The following SMARCA2 variants were observed in gnomAD, a reference collection of about 807,000 sequenced individuals.
SMARCA2 encodes the protein SWI/SNF related BAF chromatin remodeling complex subunit ATPase 2.
In SMARCA2, 61 loss-of-function variants were observed where a neutral mutation model predicts 199.8. The observed-to-expected ratio is 0.31, with a 90% CI of 0.25 to 0.38. The LOEUF (loss-of-function observed/expected upper bound fraction) is 0.38, where lower values mean the gene tolerates loss of function less well. SMARCA2 is among the 10% of genes least tolerant of loss of function. The pLI, the probability that SMARCA2 is intolerant of heterozygous loss-of-function variation, is 1.00. For synonymous variants in SMARCA2, 935 were observed against 732.0 expected (o/e 1.28, Z -4.48); for missense variants, 1,344 against 2,012.2 (o/e 0.67, Z 6.35).
At position 2,056,524 on chromosome 9, in the gene SMARCA2, C is replaced by T; in HGVS notation, c.1174-148C>T. ...CATACATTTGGCATGATTTTAGTTC[C>T]TTCATTTAATACAAACCAAAGGTGA... On this transcript the variant is annotated intron_variant, in intron 6 of 33. Coordinates refer to ENST00000349721, the MANE Select transcript of SMARCA2 (RefSeq NM_003070.5). The surrounding 1 kb of genome is among the most constrained non-coding windows in gnomAD (Gnocchi z 4.0). 1.6e-6 allele frequency: 1 copy of T among 608,532 alleles called. No individual in the cohort carries two copies. Among genetic ancestry groups the T allele is most frequent in the East Asian group, 3.0e-5 (1 of 32,946 alleles). The allele number at this position is 608,532 out of a possible 1,614,324, so 37.7% of individuals were successfully genotyped here. A position where few individuals can be genotyped will look rare whatever the true frequency, so the allele number is the denominator to read the frequency against.
chr9:2,124,388 C>A (rs1212589576), intron 27 of SMARCA2, among the ~76,000 whole-genome samples: 1 of 152,192 alleles, frequency 6.6e-6, no homozygotes, highest in African/African-American at 2.4e-5. Context: ...ACAGATCTTT[C>A]AGGGATAGCA....
chr9:2,149,073 C>T (rs1243543689), intron 27 of SMARCA2, among the ~76,000 whole-genome samples: 1 of 151,524 alleles, frequency 6.6e-6, no homozygotes, highest in African/African-American at 2.4e-5. Context: ...TGTTTTCACA[C>T]TGCTGATAAA....
At chr9:2,178,652 C>CAAAT (rs1032174718) in intron 29 of SMARCA2, among the ~76,000 whole-genome samples, 53 of 152,188 alleles carry the variant, frequency 3.5e-4, no homozygotes, top group Middle Eastern at 3.4e-3. Flanking sequence ...TCGCTCAGCT[C>CAAAT]AAATTAGAGA....
chr9:2,078,284 C>CA, intron 14 of SMARCA2, among the ~76,000 whole-genome samples: 1 of 151,944 alleles, frequency 6.6e-6, no homozygotes, highest in Middle Eastern at 3.4e-3. Context: ...CCAGCCTGGC[C>CA]AACATGGTGA....
At position 2,088,895 on chromosome 9, in the gene SMARCA2, A is replaced by T. The variant is rs866870754; in HGVS notation, c.2883+282A>T. 1.5e-3 allele frequency among the ~76,000 whole-genome samples: 107 copies of T among 70,804 alleles called. 2 individuals are homozygous for T. Among genetic ancestry groups the T allele is most frequent in the East Asian group, 0.014 (44 of 3,068 alleles). The allele number at this position is 70,804 out of a possible 152,430, so 46.5% of individuals were successfully genotyped here. ...TAATTTTAGATTTTTTTTTTTTTTT[A>T]AATTACGGACCTCATTGAGTTCACT... On this transcript the variant is annotated intron_variant, in intron 19 of 33. Transcript: ENST00000349721.
At chr9:2,171,138 G>A (rs900666520) in intron 29 of SMARCA2, among the ~76,000 whole-genome samples, 1 of 152,144 alleles carries the variant, frequency 6.6e-6, no homozygotes, top group African/African-American at 2.4e-5. Context: ...AATATTAGAT[G>A]ACATTGGTTG....
rs894840428 is a variant in SMARCA2, at chr9:2,169,037, G to A, written c.4200-1382G>A. Among the ~76,000 whole-genome samples, 6 of 152,082 alleles carry A rather than the reference G, an allele frequency of 3.9e-5. No homozygotes were observed. Among genetic ancestry groups the A allele is most frequent in the Admixed American group, 3.9e-4 (6 of 15,274 alleles). On this transcript the variant is annotated intron_variant, in intron 28 of 33. Coordinates refer to ENST00000349721, the MANE Select transcript of SMARCA2 (RefSeq NM_003070.5). This position sits in a 1 kb window ranked among gnomAD's most constrained non-coding sequence, Gnocchi z 6.5. The stretch of plus-strand genomic sequence containing the variant: ...TCTACTTAAGCTTCTGTGTCTCCTT[G>A]GTCAGCACCATCATTAGCCCAAGGT...
chr9:2,129,122 A>C (rs1823824372), intron 27 of SMARCA2, among the ~76,000 whole-genome samples: 1 of 152,238 alleles, frequency 6.6e-6, no homozygotes, highest in Non-Finnish European at 1.5e-5. Context: ...TGAAGTATAC[A>C]AATCAAGAGA....
chr9:2,027,369 G>A (rs1818877990), intron 1 of SMARCA2, among the ~76,000 whole-genome samples: 1 of 152,170 alleles, frequency 6.6e-6, no homozygotes, highest in Admixed American at 6.5e-5. Context: ...TTGAGCCTAG[G>A]AGTTTGAGGC....
In SMARCA2 at chr9:2,115,689, A is replaced by C. The variant is rs1023207508; in HGVS notation, c.3457-133A>C. 12 of 699,038 alleles carry C rather than the reference A, an allele frequency of 1.7e-5. No homozygotes were observed. Among genetic ancestry groups the C allele is most frequent in the Admixed American group, 2.9e-5 (1 of 34,380 alleles). The allele number at this position is 699,038 out of a possible 1,614,324, so 43.3% of individuals were successfully genotyped here. ...TCCAAACGTAGCTTGTGTGTTTTTA[A>C]AATGTAGGCAAAATCTTACCTTAGT... On this transcript the variant is annotated intron_variant, in intron 24 of 33. Transcript: ENST00000349721. The surrounding 1 kb of genome is among the most constrained non-coding windows in gnomAD (Gnocchi z 6.0).
chr9:2,128,959 C>G (rs1232962958), intron 27 of SMARCA2, among the ~76,000 whole-genome samples: 1 of 152,234 alleles, frequency 6.6e-6, no homozygotes, highest in Non-Finnish European at 1.5e-5. Flanking sequence ...GCCCTGACTT[C>G]AGACACCAGC....
At chr9:2,178,658 A>G (rs1379850573) in intron 29 of SMARCA2, among the ~76,000 whole-genome samples, 1 of 152,040 alleles carries the variant, frequency 6.6e-6, no homozygotes, top group African/African-American at 2.4e-5. Context: ...AGCTCAAATT[A>G]GAGAAAGAAA....
chr9:2,170,268 G>A lies in SMARCA2; in HGVS notation c.4200-151G>A. 1 of 885,954 alleles carries A rather than the reference G, an allele frequency of 1.1e-6. No individual in the cohort carries two copies. The highest frequency in any genetic ancestry group is 1.7e-6 in the Non-Finnish European group (1 of 588,742). 54.9% of individuals were successfully genotyped at this position (885,954 alleles called of 1,614,324 possible). A position where few individuals can be genotyped will look rare whatever the true frequency, so the allele number is the denominator to read the frequency against. Reference sequence around the variant, plus strand: ...GAACTATGTTATTTTTCCGAATGAGGTTCCAAACATAACCCCGTGTAATCT... The same window carrying A: ...GAACTATGTTATTTTTCCGAATGAGATTCCAAACATAACCCCGTGTAATCT... On this transcript the variant is annotated intron_variant, in intron 28 of 33. Coordinates refer to ENST00000349721, the MANE Select transcript of SMARCA2 (RefSeq NM_003070.5). The surrounding 1 kb of genome is among the most constrained non-coding windows in gnomAD (Gnocchi z 4.7).
intron 14 of SMARCA2, chr9:2,079,892 C>G (rs530617963): frequency 3.9e-5 from 6 of 152,348 alleles, no homozygotes; most frequent in Non-Finnish European, 7.3e-5. Context: ...TCATCACTCT[C>G]TTTTCAAACC....
At chr9:2,171,657 C>T (rs147752573) in intron 29 of SMARCA2, among the ~76,000 whole-genome samples, 1 of 152,182 alleles carries the variant, frequency 6.6e-6, no homozygotes, top group African/African-American at 2.4e-5. Context: ...TGGATTCTGA[C>T]TTGGAGATTG....
At chr9:2,172,357 G>A (rs1826296641) in intron 29 of SMARCA2, among the ~76,000 whole-genome samples, 1 of 152,084 alleles carries the variant, frequency 6.6e-6, no homozygotes, top group African/African-American at 2.4e-5. Context: ...GGGAAGGGAT[G>A]GGGCAGGAGT....
At chr9:2,053,078 G>C (rs1820194640) in intron 5 of SMARCA2, among the ~76,000 whole-genome samples, 2 of 152,148 alleles carry the variant, frequency 1.3e-5, no homozygotes, top group African/African-American at 4.8e-5. Flanking sequence ...CCATCATTCA[G>C]CTAATGAGCA....
rs1373436130 is a variant in SMARCA2, at chr9:2,186,191, G to GGAGGAA, written c.4566_4571dup (p.Glu1522_Glu1523dup). On this transcript the variant is annotated inframe_insertion, in exon 32 of 34. Transcript: ENST00000349721. ...AGAGTGAGGATGAAAGCAATGAAGA[G>GGAGGAA]GAGGAAGAGGAAGATGAAGAAGAGT... 1 of 1,614,070 alleles carries GGAGGAA rather than the reference G, an allele frequency of 6.2e-7. No individual in the cohort carries two copies. Among genetic ancestry groups the GGAGGAA allele is most frequent in the Non-Finnish European group, 8.5e-7 (1 of 1,179,958 alleles).
chr9:2,132,140 G>A (rs1001412318), intron 27 of SMARCA2, among the ~76,000 whole-genome samples: 3 of 151,892 alleles, frequency 2.0e-5, no homozygotes, highest in African/African-American at 7.2e-5. Context: ...CAAATCCATG[G>A]TGAATTAGTC....
Sources: gnomAD v4.1 joint callset for allele counts (sites outside exome capture counted in the v4.1 genomes callset) on GRCh38, gnomAD v4.1.1 for gene constraint, Gnocchi (gnomAD v3.1) non-coding constraint, MANE v1.5 for transcripts, NCBI Gene and HGNC (gene_info 2026-07-23, HGNC 2026-07-21) for gene names.